Variants in NUP98 observed in about 807,000 individuals in gnomAD.
NUP98 encodes nucleoporin 98 and 96 precursor.
Under a neutral mutation model 191.9 loss-of-function variants are expected in NUP98, and 26 were observed. The ratio of observed to expected loss-of-function variants is 0.14; its 90% CI spans 0.10 to 0.19. The LOEUF is 0.19. Ranked by LOEUF, NUP98 falls within the 10% of genes least tolerant of loss-of-function variation. NUP98 has a pLI of 1.00. For missense variants in NUP98, 1,941 were observed against 2,178.8 expected, an observed-to-expected ratio of 0.89 and a Z score of 2.17; for synonymous variants, 808 against 778.4, an observed-to-expected ratio of 1.04 and a Z score of -0.63.
At chr11:3,778,595 T>C (rs551525738) in intron 4 of NUP98, among the ~76,000 whole-genome samples, 1 of 152,200 alleles carries the variant, frequency 6.6e-6, no homozygotes, top group Non-Finnish European at 1.5e-5. Context: ...TGACCTGGCT[T>C]TTCATCCTTT....
intron 4 of NUP98, 146 bp downstream of exon 4, chr11:3,778,727 G>C: frequency 1.4e-6 from 1 of 725,600 alleles, no homozygotes; most frequent in South Asian, 1.8e-5. Context: ...AACCTTTTCA[G>C]TACATATTGA....
At chr11:3,734,248 C>T (rs1468193149) in intron 13 of NUP98, among the ~76,000 whole-genome samples, 2 of 152,130 alleles carry the variant, frequency 1.3e-5, no homozygotes, top group Non-Finnish European at 2.9e-5. Context: ...GTTGACCAGG[C>T]TGGTCGTGAA....
chr11:3,779,059 T>TGGAGAA lies in NUP98; in HGVS notation c.179-16_179-11dup. The TGGAGAA allele has an allele frequency of 2.5e-6, 4 of 1,614,030 alleles. No homozygotes were observed. On this transcript the variant is annotated splice_polypyrimidine_tract_variant and intron_variant, in intron 3 of 32. Coordinates refer to ENST00000324932, the MANE Select transcript of NUP98 (RefSeq NM_016320.5). ...GTTCCAAACAATCCTCCTGAGGAGA[T>TGGAGAA]GGAGAAGGAGGGAAAAAGTTAAGTA...
chr11:3,764,848 G>C (rs529030249), intron 8 of NUP98, among the ~76,000 whole-genome samples: 3 of 152,224 alleles, frequency 2.0e-5, no homozygotes, highest in Non-Finnish European at 4.4e-5. Context: ...AAAGTGCTGG[G>C]ATTAAAGGCG....
At chr11:3,753,072 A>C (rs1317724654) in intron 11 of NUP98, among the ~76,000 whole-genome samples, 1 of 152,190 alleles carries the variant, frequency 6.6e-6, no homozygotes, top group African/African-American at 2.4e-5. Context: ...TAAAAATCCC[A>C]AAAAGACCAG....
chr11:3,769,913 G>A (rs1391671228), intron 7 of NUP98, among the ~76,000 whole-genome samples: 3 of 151,944 alleles, frequency 2.0e-5, no homozygotes, highest in Non-Finnish European at 2.9e-5. Context: ...GCATGGTGGT[G>A]GGCATCTGTA....
At chr11:3,771,320 G>A (rs2081524563) in intron 7 of NUP98, among the ~76,000 whole-genome samples, 1 of 152,030 alleles carries the variant, frequency 6.6e-6, no homozygotes, top group Non-Finnish European at 1.5e-5. Context: ...CAACTTTCAG[G>A]ATTTCCTAAA....
At chr11:3,736,076 T>C (rs1342304534) in intron 12 of NUP98, among the ~76,000 whole-genome samples, 1 of 129,506 alleles carries the variant, frequency 7.7e-6, no homozygotes. Context: ...ACAGCTAATT[T>C]TGTGTGTGTG....
chr11:3,785,120 A>G (rs1031468836), intron 1 of NUP98, among the ~76,000 whole-genome samples: 1 of 152,038 alleles, frequency 6.6e-6, no homozygotes, highest in Non-Finnish European at 1.5e-5. Context: ...CCTGGGCAAC[A>G]CAGCGAGACT....
intron 12 of NUP98, among the ~76,000 whole-genome samples, chr11:3,736,899 C>A (rs276908): frequency 0.53 from 79,871 of 151,922 alleles, 21,494 homozygotes; most frequent in African/African-American, 0.63. Context: ...TTAACATTCA[C>A]ATAATATAAA....
chr11:3,747,741 G>A (rs765667835), intron 11 of NUP98, among the ~76,000 whole-genome samples: 2 of 152,160 alleles, frequency 1.3e-5, no homozygotes, highest in African/African-American at 2.4e-5. Flanking sequence ...AAAATAAGAA[G>A]CTGCAGAGAA....
chr11:3,755,336 C>T (rs970353897), intron 10 of NUP98, among the ~76,000 whole-genome samples: 31 of 151,062 alleles, frequency 2.1e-4, no homozygotes, highest in South Asian at 2.1e-4. Flanking sequence ...TGGTGGTGCA[C>T]GCTTGGAATC....
intron 20 of NUP98, chr11:3,712,336 T>A (rs2079044360): frequency 7.5e-7 from 1 of 1,332,766 alleles, no homozygotes; most frequent in South Asian, 2.2e-5. Context: ...AATGACAATC[T>A]GTAGAGGAAT....
In NUP98 at chr11:3,686,157, T is replaced by A. The variant is rs147605575; in HGVS notation, c.4492A>T (p.Ile1498Leu). Residue 1498 changes from isoleucine (I) to leucine (L), a missense_variant, in exon 29 of 33, where the codon ATA (isoleucine) becomes TTA (leucine). Around this residue, in one of 6 missense-constraint regions of NUP98, gnomAD observed 1,030 missense variants for 1,115.8 expected, o/e 0.92. Transcript: ENST00000324932. The stretch of plus-strand genomic sequence containing the variant: ...CGGTAGTCCAAAGGATCTGCTGTTA[T>A]GCTTCGAGGCTCCAGCAGCTGGTTG... Reference protein sequence around the residue: ...DLNQLLEPRSITADPLDYRLS... With the variant: ...DLNQLLEPRSLTADPLDYRLS... The A allele has an allele frequency of 1.9e-6, 3 of 1,614,272 alleles. No homozygotes were observed. In the African/African-American group the frequency reaches 4.0e-5, roughly 22 times the overall value.
At chr11:3,752,839 A>C (rs1361675572) in intron 11 of NUP98, among the ~76,000 whole-genome samples, 3 of 152,222 alleles carry the variant, frequency 2.0e-5, no homozygotes, top group African/African-American at 7.2e-5. Flanking sequence ...AATAGTTGTT[A>C]ACAGTAGGAA....
At chr11:3,732,537 GA>G (rs921029821) in intron 13 of NUP98, among the ~76,000 whole-genome samples, 2 of 151,424 alleles carry the variant, frequency 1.3e-5, no homozygotes, top group African/African-American at 4.8e-5. Flanking sequence ...TTGCTCTGGG[GA>G]AAAAAAAGGC....
chr11:3,772,833 CTG>C (rs1214892310), intron 6 of NUP98, among the ~76,000 whole-genome samples: 1 of 145,706 alleles, frequency 6.9e-6, no homozygotes, highest in African/African-American at 2.6e-5. Flanking sequence ...AAAAAATTAG[CTG>C]TGTGTGGTGG....
intron 19 of NUP98, 146 bp downstream of exon 19, chr11:3,713,672 T>A: frequency 1.4e-6 from 1 of 740,284 alleles, no homozygotes; most frequent in South Asian, 2.1e-5. Context: ...GGAGCTATGA[T>A]CCCACCATTG....
intron 8 of NUP98, among the ~76,000 whole-genome samples, chr11:3,764,790 G>C (rs894823247): frequency 6.6e-6 from 1 of 152,192 alleles, no homozygotes; most frequent in East Asian, 1.9e-4. Context: ...ATGTTGTCCA[G>C]GCTAATCTCG....
Sources: allele counts gnomAD v4.1 joint callset (sites outside exome capture counted in the v4.1 genomes callset), GRCh38; gene constraint gnomAD v4.1.1; regional missense constraint gnomAD v4.1.1; transcripts MANE v1.5; gene names NCBI Gene and HGNC (gene_info 2026-07-23, HGNC 2026-07-21).